Variants in PACRG observed in about 807,000 individuals in gnomAD.
The protein encoded by PACRG is parkin coregulated gene protein.
Under a neutral mutation model 29.7 loss-of-function variants are expected in PACRG, and 29 were observed. That is an observed-to-expected ratio of 0.98 (90% CI 0.73 to 1.33). The LOEUF is 1.33. PACRG is among the 40% of genes most tolerant of loss of function. PACRG has a pLI of 0.00. For missense variants in PACRG, 279 were observed against 316.2 expected, an observed-to-expected ratio of 0.88 and a Z score of 0.89; for synonymous variants, 116 against 118.7, an observed-to-expected ratio of 0.98 and a Z score of 0.15.
intron 4 of PACRG, among the ~76,000 whole-genome samples, chr6:163,160,111 T>C (rs1307403956): frequency 1.3e-5 from 2 of 152,266 alleles, no homozygotes; most frequent in African/African-American, 4.8e-5. Context: ...TTACTCTGCA[T>C]GGGTCTGTCC....
chr6:162,808,029 C>T (rs144879396), intron 1 of PACRG, among the ~76,000 whole-genome samples: 35 of 152,262 alleles, frequency 2.3e-4, no homozygotes, highest in African/African-American at 8.4e-4. Context: ...AGACACCTAT[C>T]TTCTATTACA....
rs1353420871 is a variant in PACRG at position 162,992,383 on chromosome 6, G to A, written c.292-69767G>A. 1.1e-4 allele frequency among the ~76,000 whole-genome samples: 16 copies of A among 140,610 alleles called. 1 individual carries two copies. In the East Asian group the frequency reaches 3.4e-3, roughly 30 times the overall value. The allele number at this position is 140,610 out of a possible 152,430, so 92.2% of individuals were successfully genotyped here. ...TCCATCTGGTCCTGGACTCTTTTTG[G>A]TTGGTAAACTATTGATTATTGCCCC... On this transcript the variant is annotated intron_variant, in intron 2 of 4. Transcript: ENST00000366888.
chr6:163,268,263 G>C (rs146854605), intron 4 of PACRG, among the ~76,000 whole-genome samples: 6 of 151,922 alleles, frequency 3.9e-5, no homozygotes, highest in African/African-American at 7.3e-5. Context: ...TTAGCCGGGC[G>C]TGGTGGCGGG....
intron 4 of PACRG, chr6:163,101,106 G>A (rs2128313867): frequency 1.0e-6 from 1 of 980,924 alleles, no homozygotes; most frequent in South Asian, 4.7e-5. Flanking sequence ...TCTCCATTCA[G>A]TGACTTTTAA....
chr6:163,237,004 C>T lies in PACRG; in HGVS notation c.614-77823C>T, dbSNP rs149363677. Among the ~76,000 whole-genome samples, 43 of 152,206 alleles carry T rather than the reference C, an allele frequency of 2.8e-4. No individual in the cohort carries two copies. In the South Asian group the frequency reaches 5.2e-3, roughly 18 times the overall value. ...CATGAGAACAGCAAGGGGAAAGTTC[C>T]GCCCCCATGATCCAATCACCTTCCA... On this transcript the variant is annotated intron_variant, in intron 4 of 4. Coordinates refer to ENST00000366888, the MANE Select transcript of PACRG (RefSeq NM_001080379.2).
chr6:163,283,979 G>A (rs181564783), intron 4 of PACRG, among the ~76,000 whole-genome samples: 2 of 152,158 alleles, frequency 1.3e-5, no homozygotes, highest in East Asian at 1.9e-4. Flanking sequence ...TGGGCATGGC[G>A]GTGCATGCCT....
rs1585006757 is a variant in PACRG, at chr6:163,013,363, A to G, written c.292-48787A>G. On this transcript the variant is annotated intron_variant, in intron 2 of 4. Coordinates refer to ENST00000366888, the MANE Select transcript of PACRG (RefSeq NM_001080379.2). ...AAGTTTTGCTGCCATTAGAACTTGCATAATAATTTCACTGTGGCATATAAA... is the reference window on the plus strand; with the variant it reads ...AAGTTTTGCTGCCATTAGAACTTGCGTAATAATTTCACTGTGGCATATAAA... Among the ~76,000 whole-genome samples the G allele has an allele frequency of 2.6e-5, 4 of 152,268 alleles. No homozygotes were observed. In the East Asian group the frequency reaches 5.8e-4, roughly 22 times the overall value.
chr6:163,233,068 A>G (rs1199201665), intron 4 of PACRG, among the ~76,000 whole-genome samples: 2 of 152,252 alleles, frequency 1.3e-5, no homozygotes, highest in Non-Finnish European at 2.9e-5. Context: ...TTTTCTGTTA[A>G]GTTTTCTCTT....
In PACRG at chr6:162,842,204, T is replaced by C. The variant is rs1454099743; in HGVS notation, c.291+27923T>C. Among the ~76,000 whole-genome samples the C allele has an allele frequency of 3.6e-3, 531 of 148,368 alleles. 2 individuals carry two copies. The highest frequency in any genetic ancestry group is 0.013 in the African/African-American group (506 of 40,064). On this transcript the variant is annotated intron_variant, in intron 2 of 4. Transcript: ENST00000366888. ...TAATGTTGACAGTGGGGTGTTAAAG[T>C]CTCCCATTATTAATGTGTGGGAGTC...
chr6:163,253,297 CAA>C (rs576001593), intron 4 of PACRG, among the ~76,000 whole-genome samples: 164 of 50,140 alleles, frequency 3.3e-3, no homozygotes, highest in African/African-American at 9.1e-3. Flanking sequence ...GAGACTGTCT[CAA>C]AAAAAAAAAA....
At chr6:162,795,375 T>G (rs1584382190) in intron 1 of PACRG, among the ~76,000 whole-genome samples, 1 of 152,324 alleles carries the variant, frequency 6.6e-6, no homozygotes, top group Admixed American at 6.5e-5. Context: ...TGATCCAATT[T>G]TATTCTACCT....
intron 4 of PACRG, among the ~76,000 whole-genome samples, chr6:163,155,300 C>G (rs1778267389): frequency 6.6e-6 from 1 of 152,238 alleles, no homozygotes. Flanking sequence ...GAAGAGGAGG[C>G]TCGTCCCTCC....
intron 4 of PACRG, among the ~76,000 whole-genome samples, chr6:163,090,879 T>A (rs192571462): frequency 1.3e-5 from 2 of 152,350 alleles, no homozygotes; most frequent in African/African-American, 4.8e-5. Flanking sequence ...AAGTGTGCGA[T>A]TCACTAATAT....
chr6:162,934,071 C>A (rs1050499501), intron 2 of PACRG, among the ~76,000 whole-genome samples: 3 of 152,102 alleles, frequency 2.0e-5, no homozygotes, highest in Non-Finnish European at 4.4e-5. Context: ...CAAGACCAGC[C>A]TGGCTAACAT....
At chr6:162,827,222 A>G (rs1788362868) in intron 2 of PACRG, among the ~76,000 whole-genome samples, 1 of 152,192 alleles carries the variant, frequency 6.6e-6, no homozygotes, top group African/African-American at 2.4e-5. Flanking sequence ...TAAGATTTTT[A>G]TAATTCTATT....
chr6:163,206,569 G>T (rs1239292555), intron 4 of PACRG, among the ~76,000 whole-genome samples: 8 of 152,092 alleles, frequency 5.3e-5, no homozygotes, highest in Admixed American at 4.6e-4. Context: ...CTGGGAGAAG[G>T]GAGAGGATCA....
chr6:162,976,652 A>G (rs973380049), intron 2 of PACRG, among the ~76,000 whole-genome samples: 1 of 152,236 alleles, frequency 6.6e-6, no homozygotes, highest in Non-Finnish European at 1.5e-5. Flanking sequence ...AACGAGGTAC[A>G]TATGCCTGGT....
chr6:162,803,526 A>G (rs1001112313), intron 1 of PACRG, among the ~76,000 whole-genome samples: 1 of 152,238 alleles, frequency 6.6e-6, no homozygotes. Flanking sequence ...CAAAAAGAGC[A>G]AATAAAGAAA....
intron 4 of PACRG, among the ~76,000 whole-genome samples, chr6:163,254,709 G>C (rs899607517): frequency 6.6e-6 from 1 of 152,204 alleles, no homozygotes; most frequent in African/African-American, 2.4e-5. Flanking sequence ...TGCCCGTGCA[G>C]CAGGGCAGAA....
Sources: gnomAD v4.1 joint callset for allele counts (sites outside exome capture counted in the v4.1 genomes callset) on GRCh38, gnomAD v4.1.1 for gene constraint, MANE v1.5 for transcripts, NCBI Gene and HGNC (gene_info 2026-07-23, HGNC 2026-07-21) for gene names.